ANAPC1: variants seen among roughly 807,000 people sequenced by gnomAD.
ANAPC1 encodes anaphase promoting complex subunit 1.
ANAPC1 carries 36 observed loss-of-function variants against 208.0 expected under a neutral mutation model. That is an observed-to-expected ratio of 0.17 (90% CI 0.13 to 0.23). ANAPC1 has a LOEUF of 0.23. Ranked by LOEUF, ANAPC1 falls within the 10% of genes least tolerant of loss-of-function variation. The pLI is 1.00. For missense variants in ANAPC1, 942 were observed against 2,011.6 expected (o/e 0.47, Z 10.17); for synonymous variants, 378 against 695.2 (o/e 0.54, Z 7.18).
chr2:111,783,270 G>C (rs1231152051), intron 42 of ANAPC1, among the ~76,000 whole-genome samples: 1 of 152,212 alleles, frequency 6.6e-6, no homozygotes, highest in East Asian at 1.9e-4. Context: ...CAAATCTCAT[G>C]TCAAACTGTA....
intron 13 of ANAPC1, among the ~76,000 whole-genome samples, chr2:111,853,433 T>C (rs566938122): frequency 6.6e-6 from 1 of 152,248 alleles, no homozygotes; most frequent in South Asian, 2.1e-4. Context: ...AGTTTGATCA[T>C]AAGATTTTGG....
intron 17 of ANAPC1, among the ~76,000 whole-genome samples, chr2:111,841,377 AAC>A (rs1443756248): frequency 6.7e-6 from 1 of 149,496 alleles, no homozygotes; most frequent in African/African-American, 2.5e-5. Context: ...AAGAAAAAAA[AAC>A]AGGTAAATGG....
chr2:111,786,038 A>C (rs1015566166), intron 39 of ANAPC1, among the ~76,000 whole-genome samples: 2 of 151,656 alleles, frequency 1.3e-5, no homozygotes, highest in Admixed American at 1.3e-4. Context: ...AGTTTTTTAA[A>C]CTTTAAGATT....
intron 13 of ANAPC1, among the ~76,000 whole-genome samples, chr2:111,851,750 C>T (rs1681411210): frequency 6.6e-6 from 1 of 151,126 alleles, no homozygotes; most frequent in Admixed American, 6.6e-5. Context: ...GCAGAACTTG[C>T]AGTGAGCCGA....
intron 24 of ANAPC1, among the ~76,000 whole-genome samples, chr2:111,823,037 T>A (rs1411461028): frequency 8.5e-6 from 1 of 117,794 alleles, no homozygotes; most frequent in Non-Finnish European, 1.7e-5. Context: ...TGAGATGGAG[T>A]CTCGCTCTGT....
intron 29 of ANAPC1, among the ~76,000 whole-genome samples, chr2:111,807,718 T>C (rs1312957924): frequency 6.6e-6 from 1 of 152,146 alleles, no homozygotes; most frequent in African/African-American, 2.4e-5. Flanking sequence ...TAATGTACAT[T>C]CTGACAGTAA....
intron 16 of ANAPC1, among the ~76,000 whole-genome samples, chr2:111,846,752 T>G (rs1161177319): frequency 6.6e-6 from 1 of 151,564 alleles, no homozygotes; most frequent in African/African-American, 2.4e-5. Flanking sequence ...GTATTTTTAG[T>G]AGAGAAAGGG....
At chr2:111,848,611 T>C (rs1681221399) in intron 14 of ANAPC1, among the ~76,000 whole-genome samples, 1 of 152,006 alleles carries the variant, frequency 6.6e-6, no homozygotes, top group Non-Finnish European at 1.5e-5. Flanking sequence ...ACCCCATCTC[T>C]ACTAAAAATA....
At chr2:111,827,890 A>C (rs1679923465) in intron 21 of ANAPC1, among the ~76,000 whole-genome samples, 1 of 152,188 alleles carries the variant, frequency 6.6e-6, no homozygotes, top group African/African-American at 2.4e-5. Flanking sequence ...ATTTTTATAA[A>C]TAGATCTCTG....
intron 16 of ANAPC1, among the ~76,000 whole-genome samples, chr2:111,846,296 A>G (rs1681055625): frequency 6.6e-6 from 1 of 151,830 alleles, no homozygotes; most frequent in Admixed American, 6.5e-5. Context: ...GCAGAATCCA[A>G]TATTTATTAA....
At chr2:111,809,912 C>CGGG (rs1406820072) in intron 28 of ANAPC1, among the ~76,000 whole-genome samples, 1 of 148,014 alleles carries the variant, frequency 6.8e-6, no homozygotes, top group East Asian at 2.0e-4. Context: ...TACCATATAA[C>CGGG]CCAGCAATTC....
chr2:111,852,594 A>C (rs1573464884), intron 13 of ANAPC1, among the ~76,000 whole-genome samples: 1 of 152,272 alleles, frequency 6.6e-6, no homozygotes, highest in East Asian at 1.9e-4. Flanking sequence ...GATTTTTTTT[A>C]ATCATGGATA....
chr2:111,823,484 T>C (rs1679659069), intron 24 of ANAPC1, among the ~76,000 whole-genome samples: 1 of 151,524 alleles, frequency 6.6e-6, no homozygotes, highest in Admixed American at 6.6e-5. Flanking sequence ...TCATTAGCAA[T>C]ACTGGTTTGT....
At chr2:111,874,778 T>C (rs1173070722) in intron 3 of ANAPC1, among the ~76,000 whole-genome samples, 5 of 152,230 alleles carry the variant, frequency 3.3e-5, no homozygotes, top group Non-Finnish European at 7.3e-5. Context: ...ATTGTGCATA[T>C]ACCTAGAACT....
chr2:111,864,463 C>CTTTTTTTTTTTTTTTTTTTTTACTT (rs1156702851), intron 8 of ANAPC1, among the ~76,000 whole-genome samples: 1 of 95,186 alleles, frequency 1.1e-5, no homozygotes, highest in Non-Finnish European at 1.9e-5. Flanking sequence ...TATATATATA[C>CTTTTTTTTTTTTTTTTTTTTTACTT]TTTTTTTTTT....
Position 111,873,345 on chromosome 2 carries a change from A to G in ANAPC1, c.491T>C (p.Ile164Thr). The stretch of plus-strand genomic sequence containing the variant: ...TGAAGCTATGTAATCCTTTCCTTCT[A>G]TGCTATGCATGTTAATACATGAGCT... ...LQSSCINMHS[I>T]EGKDYIASLP... The change falls in exon 5 of 48, where the codon ATA becomes ACA. Residue 164 changes from isoleucine to threonine, a missense_variant. By Grantham distance (89) the Ile-to-Thr change is moderately conservative. Transcript: ENST00000341068. The G allele has an allele frequency of 6.2e-7, 1 of 1,609,104 alleles. No individual in the cohort carries two copies. The highest frequency in any genetic ancestry group is 1.1e-5 in the South Asian group (1 of 90,586).
chr2:111,785,866 G>T (rs1677519247), intron 39 of ANAPC1, among the ~76,000 whole-genome samples: 1 of 149,746 alleles, frequency 6.7e-6, no homozygotes, highest in African/African-American at 2.5e-5. Context: ...TTTCCTTAAG[G>T]ATTGATAGGG....
At chr2:111,879,668 T>C (rs2104613185) in intron 2 of ANAPC1, among the ~76,000 whole-genome samples, 1 of 151,520 alleles carries the variant, frequency 6.6e-6, no homozygotes, top group East Asian at 2.0e-4. Context: ...GTCTGGAGTT[T>C]GAGACTAGCC....
chr2:111,841,624 T>C (rs1232807972), intron 17 of ANAPC1, among the ~76,000 whole-genome samples: 1 of 152,032 alleles, frequency 6.6e-6, no homozygotes, highest in East Asian at 1.9e-4. Flanking sequence ...AGCAGGAAGG[T>C]GAGCAAGGGC....
Sources: gnomAD v4.1 joint callset for allele counts (sites outside exome capture counted in the v4.1 genomes callset) on GRCh38, gnomAD v4.1.1 for gene constraint, MANE v1.5 for transcripts, NCBI Gene and HGNC (gene_info 2026-07-23, HGNC 2026-07-21) for gene names.